Variants in TNRC6C observed in about 807,000 individuals in gnomAD.
The protein encoded by TNRC6C is trinucleotide repeat containing adaptor 6C.
TNRC6C carries 20 observed loss-of-function variants against 153.7 expected under a neutral mutation model. That is an observed-to-expected ratio of 0.13 (90% CI 0.09 to 0.19). TNRC6C has a LOEUF of 0.19. Ranked by LOEUF, TNRC6C falls within the 10% of genes least tolerant of loss-of-function variation. The probability of loss-of-function intolerance (pLI) is 1.00; values close to 1 mark genes in which losing one functional copy is unlikely to be tolerated. For missense variants in TNRC6C, 1,987 were observed against 2,172.0 expected, an observed-to-expected ratio of 0.91 and a Z score of 1.69; for synonymous variants, 811 against 841.4, an observed-to-expected ratio of 0.96 and a Z score of 0.63.
chr17:77,966,284 G>A (rs566151575), intron 1 of TNRC6C, among the ~76,000 whole-genome samples: 16 of 152,298 alleles, frequency 1.1e-4, no homozygotes, highest in African/African-American at 3.8e-4. Flanking sequence ...CTTAGGAACC[G>A]TTGGTGGCTG....
intron 2 of TNRC6C, among the ~76,000 whole-genome samples, chr17:78,045,137 C>T (rs2072380548): frequency 6.6e-6 from 1 of 152,048 alleles, no homozygotes; most frequent in South Asian, 2.1e-4. Flanking sequence ...GTGTTGAGCA[C>T]ATTATTGTGG....
intron 10 of TNRC6C, among the ~76,000 whole-genome samples, chr17:78,080,914 T>C (rs949983157): frequency 4.6e-5 from 7 of 152,226 alleles, no homozygotes; most frequent in Non-Finnish European, 2.9e-5. Flanking sequence ...TCTTCTATTA[T>C]TCATAAAATT....
intron 16 of TNRC6C, chr17:78,097,850 C>G: frequency 6.5e-7 from 1 of 1,547,088 alleles, no homozygotes; most frequent in Non-Finnish European, 8.7e-7. Context: ...GCATCCGCAC[C>G]TAGTGTTGCA....
At chr17:78,099,026 A>G (rs1277894599) in intron 17 of TNRC6C, among the ~76,000 whole-genome samples, 1 of 152,238 alleles carries the variant, frequency 6.6e-6, no homozygotes, top group Non-Finnish European at 1.5e-5. Flanking sequence ...AACAACTCTC[A>G]TAATATTGCA....
At chr17:78,006,554 T>TCTTC (rs1555629243) in intron 1 of TNRC6C, among the ~76,000 whole-genome samples, 65 of 63,570 alleles carry the variant, frequency 1.0e-3, no homozygotes, top group African/African-American at 2.3e-3. Context: ...TTCTTCTTCT[T>TCTTC]CTTCTTCCTT....
At chr17:78,085,601 CAGA>C (rs2073265337) in intron 11 of TNRC6C, among the ~76,000 whole-genome samples, 1 of 152,132 alleles carries the variant, frequency 6.6e-6, no homozygotes, top group Non-Finnish European at 1.5e-5. Context: ...TGTCAGTGTA[CAGA>C]AGAATATCAT....
chr17:77,958,779 C>G (rs1377227572), upstream of TNRC6C, among the ~76,000 whole-genome samples: 3 of 150,044 alleles, frequency 2.0e-5, no homozygotes, highest in Non-Finnish European at 3.0e-5. Flanking sequence ...GCCGCCGCCG[C>G]CGGCCCCGCC....
intron 3 of TNRC6C, among the ~76,000 whole-genome samples, chr17:78,053,638 A>G (rs867201875): frequency 1.3e-5 from 2 of 152,068 alleles, no homozygotes; most frequent in Non-Finnish European, 2.9e-5. Context: ...CAAAAAAAAA[A>G]AAAGAAAGAA....
At chr17:78,065,765 A>G (rs1029992812) in intron 4 of TNRC6C, among the ~76,000 whole-genome samples, 1 of 152,226 alleles carries the variant, frequency 6.6e-6, no homozygotes, top group African/African-American at 2.4e-5. Flanking sequence ...AAAAATTTTA[A>G]AAAGGTACAT....
intron 1 of TNRC6C, among the ~76,000 whole-genome samples, chr17:77,968,388 C>G (rs966192535): frequency 6.6e-6 from 1 of 151,390 alleles, no homozygotes; most frequent in Non-Finnish European, 1.5e-5. Flanking sequence ...GTCGCCCAGA[C>G]TAGAGTGCGG....
At chr17:77,986,566 C>A (rs1194702827) in intron 1 of TNRC6C, among the ~76,000 whole-genome samples, 1 of 151,886 alleles carries the variant, frequency 6.6e-6, no homozygotes, top group Non-Finnish European at 1.5e-5. Context: ...ATGTATTTTT[C>A]TTTTGGAGCA....
intron 1 of TNRC6C, among the ~76,000 whole-genome samples, chr17:78,005,976 C>T (rs1567910448): frequency 6.6e-6 from 1 of 151,982 alleles, no homozygotes; most frequent in Non-Finnish European, 1.5e-5. Flanking sequence ...AGTTTTTTTC[C>T]ACTGGACCAT....
chr17:78,081,746 C>T (rs1355999512), intron 10 of TNRC6C, among the ~76,000 whole-genome samples: 1 of 152,184 alleles, frequency 6.6e-6, no homozygotes, highest in African/African-American at 2.4e-5. Flanking sequence ...TGCACCCAGT[C>T]TGAGAGGCAG....
intron 3 of TNRC6C, among the ~76,000 whole-genome samples, chr17:78,063,819 A>AT (rs1480800664): frequency 2.0e-5 from 3 of 152,200 alleles, no homozygotes; most frequent in African/African-American, 7.2e-5. Context: ...ATAAACAAGA[A>AT]TAATATTTCA....
At chr17:78,094,512 C>T (rs1314243620) in intron 16 of TNRC6C, among the ~76,000 whole-genome samples, 1 of 150,906 alleles carries the variant, frequency 6.6e-6, no homozygotes, top group Admixed American at 6.6e-5. Context: ...GATCTTGGCT[C>T]ACTGCAACCT....
intron 2 of TNRC6C, among the ~76,000 whole-genome samples, chr17:78,047,372 A>G (rs1190716057): frequency 1.3e-5 from 2 of 152,178 alleles, no homozygotes; most frequent in African/African-American, 4.8e-5. Context: ...TTCAACATTT[A>G]AAGTTTTCTG....
At chr17:78,013,935 A>ACTCTT (rs1237117341) in intron 1 of TNRC6C, among the ~76,000 whole-genome samples, 6 of 152,226 alleles carry the variant, frequency 3.9e-5, no homozygotes, top group African/African-American at 1.4e-4. Context: ...TCTTTTGCCT[A>ACTCTT]AGAGAATAAG....
At chr17:78,073,521 G>A (rs570265137) in intron 7 of TNRC6C, among the ~76,000 whole-genome samples, 2 of 152,208 alleles carry the variant, frequency 1.3e-5, no homozygotes, top group South Asian at 4.2e-4. Context: ...TTTCTGTCAA[G>A]GAACAAGCAA....
At chr17:77,995,735 C>CAG (rs1567905839) in intron 1 of TNRC6C, among the ~76,000 whole-genome samples, 2 of 152,000 alleles carry the variant, frequency 1.3e-5, no homozygotes, top group Admixed American at 6.5e-5. Flanking sequence ...CACACACACA[C>CAG]ACACGTGTCA....
Sources: allele counts gnomAD v4.1 joint callset (sites outside exome capture counted in the v4.1 genomes callset), GRCh38; gene constraint gnomAD v4.1.1; transcripts MANE v1.5; gene names NCBI Gene and HGNC (gene_info 2026-07-23, HGNC 2026-07-21).